The following RIPOR3 variants were observed in gnomAD, a reference collection of about 807,000 sequenced individuals.
RIPOR3 encodes the protein RIPOR family member 3, also known as family with sequence similarity 65 member C.
Under a neutral mutation model 114.3 loss-of-function variants are expected in RIPOR3, and 95 were observed. The observed-to-expected ratio is 0.83, with a 90% CI of 0.70 to 0.99. The LOEUF (loss-of-function observed/expected upper bound fraction) is 0.99, where lower values mean the gene tolerates loss of function less well. Ranked by LOEUF, RIPOR3 falls within the 50% of genes least tolerant of loss-of-function variation. The probability of loss-of-function intolerance (pLI) is 0.00; values close to 1 mark genes in which losing one functional copy is unlikely to be tolerated. For missense variants in RIPOR3, 1,252 were observed against 1,266.9 expected, an observed-to-expected ratio of 0.99 and a Z score of 0.18; for synonymous variants, 575 against 543.8, an observed-to-expected ratio of 1.06 and a Z score of -0.80.
intron 1 of RIPOR3, chr20:50,645,848 A>T (rs1236701645): frequency 1.3e-5 from 2 of 152,282 alleles, no homozygotes; most frequent in East Asian, 3.9e-4. Context: ...GGAAGTGGTC[A>T]AGGGTTCAAC....
rs1401157888 is a variant in RIPOR3, at chr20:50,681,288, A to G, written c.3+9838T>C. On this transcript the variant is annotated intron_variant, in intron 1 of 21. Coordinates refer to ENST00000327979, the MANE Select transcript of RIPOR3 (RefSeq NM_001290268.2). ...AATAAGGCACTAGAAAAAAAAAAAC[A>G]TATAATGAGGCTTCTGGAAAAGATA... Among the ~76,000 whole-genome samples the G allele has an allele frequency of 9.7e-5, 14 of 144,022 alleles. 1 individual carries two copies. The highest frequency in any genetic ancestry group is 7.0e-4 in the Admixed American group (10 of 14,192). The allele number at this position is 144,022 out of a possible 152,430, so 94.5% of individuals were successfully genotyped here.
chr20:50,664,721 G>C (rs751918716), intron 1 of RIPOR3, among the ~76,000 whole-genome samples: 68 of 152,150 alleles, frequency 4.5e-4, no homozygotes, highest in Non-Finnish European at 8.5e-4. Context: ...TTTGGGTATA[G>C]TGTTGAGATA....
At chr20:50,639,638 C>T (rs1269779586) in intron 1 of RIPOR3, among the ~76,000 whole-genome samples, 1 of 152,206 alleles carries the variant, frequency 6.6e-6, no homozygotes, top group African/African-American at 2.4e-5. Context: ...GAGGCTGAGG[C>T]AGGAGGAGCA....
chr20:50,685,784 C>T (rs1354955555), intron 1 of RIPOR3, among the ~76,000 whole-genome samples: 1 of 141,406 alleles, frequency 7.1e-6, no homozygotes, highest in African/African-American at 2.6e-5. Context: ...CACGCCACTG[C>T]ACTCTAGCCT....
In RIPOR3 at chr20:50,602,582, G is replaced by A. The variant is rs778105249; in HGVS notation, c.1149C>T (p.Ile383=). ...GGTCGCTGTCAGACAGGTAGCTGAG[G>A]ATGGAGGTGGCCCTTGGGCCACCCA... is the stretch of plus-strand genomic sequence containing the variant. ...LLLGGPRATS[I]LSYLSDSDLR... The change falls in exon 13 of 22, where the codon ATC becomes ATT. Residue 383 remains isoleucine (I), a synonymous_variant. Transcript: ENST00000327979. This position sits in a 1 kb window ranked among gnomAD's most constrained non-coding sequence, Gnocchi z 4.3. The A allele has an allele frequency of 1.3e-6, 2 of 1,524,882 alleles. No individual in the cohort carries two copies. The highest frequency in any genetic ancestry group is 2.3e-5 in the East Asian group (1 of 44,024). 94.5% of individuals were successfully genotyped at this position (1,524,882 alleles called of 1,614,324 possible).
At chr20:50,673,606 C>T (rs1015302494) in intron 1 of RIPOR3, among the ~76,000 whole-genome samples, 3 of 152,196 alleles carry the variant, frequency 2.0e-5, no homozygotes, top group African/African-American at 4.8e-5. Context: ...CTCCTAACTG[C>T]ACCCACCCCC....
At chr20:50,646,962 G>A (rs1007404410) in intron 1 of RIPOR3, among the ~76,000 whole-genome samples, 25 of 152,276 alleles carry the variant, frequency 1.6e-4, no homozygotes, top group African/African-American at 5.3e-4. Context: ...CATATTACAG[G>A]AAATGTGGCT....
intron 4 of RIPOR3, among the ~76,000 whole-genome samples, chr20:50,613,997 G>C (rs1356499828): frequency 1.3e-5 from 2 of 152,152 alleles, no homozygotes; most frequent in Non-Finnish European, 2.9e-5. Flanking sequence ...CCAGGATACA[G>C]AGACGGCCGC....
At chr20:50,618,815 T>A (rs1480765068) in intron 3 of RIPOR3, among the ~76,000 whole-genome samples, 1 of 152,156 alleles carries the variant, frequency 6.6e-6, no homozygotes, top group Non-Finnish European at 1.5e-5. Flanking sequence ...GTGGCTTATG[T>A]CTGTAATCCC....
rs11469999 is a variant in RIPOR3, at chr20:50,655,669, C to CTGTGTGTGTG, written c.4-24823_4-24814dup. ...TCCCTCCTGTCTCGGTTAGCGTGGG[C>CTGTGTGTGTG]TGTGTGTGTGTGTGTGTGTGTGTGT... On this transcript the variant is annotated intron_variant, in intron 1 of 21. Transcript: ENST00000327979. Among the ~76,000 whole-genome samples the CTGTGTGTGTG allele has an allele frequency of 2.8e-3, 411 of 145,280 alleles. 6 individuals are homozygous for CTGTGTGTGTG. The highest frequency in any genetic ancestry group is 0.01 in the African/African-American group (399 of 39,420).
At chr20:50,633,269 C>CAAAAAA (rs1199868243) in intron 1 of RIPOR3, among the ~76,000 whole-genome samples, 5 of 151,358 alleles carry the variant, frequency 3.3e-5, no homozygotes, top group Non-Finnish European at 7.4e-5. Context: ...CTAAAAAAAA[C>CAAAAAA]AAAAAACAAA....
chr20:50,649,567 C>T (rs2085528543), intron 1 of RIPOR3, among the ~76,000 whole-genome samples: 1 of 152,180 alleles, frequency 6.6e-6, no homozygotes, highest in Admixed American at 6.5e-5. Flanking sequence ...TGCAGCCAGG[C>T]CTGGCCCAGC....
At chr20:50,603,114 T>C (rs2083566355) in intron 12 of RIPOR3, among the ~76,000 whole-genome samples, 1 of 152,234 alleles carries the variant, frequency 6.6e-6, no homozygotes, top group Non-Finnish European at 1.5e-5. Context: ...CCACAGTCCT[T>C]ATGCCCCTGG....
At chr20:50,604,620 C>T (rs1392474488) in intron 12 of RIPOR3, 25 bp downstream of exon 12, 1 of 1,595,758 alleles carries the variant, frequency 6.3e-7, no homozygotes, top group Non-Finnish European at 8.5e-7. Context: ...ACCACAGCGG[C>T]CCTGCCCCGG....
At chr20:50,655,339 C>T (rs1268709692) in intron 1 of RIPOR3, among the ~76,000 whole-genome samples, 1 of 152,172 alleles carries the variant, frequency 6.6e-6, no homozygotes, top group African/African-American at 2.4e-5. Flanking sequence ...AATAGGGTTC[C>T]CCAGGGACAA....
intron 4 of RIPOR3, 146 bp downstream of exon 4, chr20:50,615,856 C>T: frequency 1.4e-6 from 1 of 714,606 alleles, no homozygotes; most frequent in Non-Finnish European, 2.3e-6. Flanking sequence ...GTGAAGTTAA[C>T]TCAGTGCAAC....
chr20:50,682,003 G>A (rs1005194160), intron 1 of RIPOR3, among the ~76,000 whole-genome samples: 12 of 149,352 alleles, frequency 8.0e-5, no homozygotes, highest in Non-Finnish European at 1.8e-4. Context: ...GCCATGTGTA[G>A]AGGGTGGCTT....
intron 1 of RIPOR3, chr20:50,659,928 G>C (rs1294387389): frequency 1.3e-5 from 2 of 152,202 alleles, no homozygotes; most frequent in Non-Finnish European, 2.9e-5. Context: ...ATGGACACCG[G>C]ACCCCGGAGA....
chr20:50,626,442 G>C (rs1199648189), intron 2 of RIPOR3, among the ~76,000 whole-genome samples: 1 of 152,216 alleles, frequency 6.6e-6, no homozygotes, highest in Non-Finnish European at 1.5e-5. Context: ...CCTTGCTGAC[G>C]GCCAGCGAGC....
Sources: gnomAD v4.1 joint callset for allele counts (sites outside exome capture counted in the v4.1 genomes callset) on GRCh38, gnomAD v4.1.1 for gene constraint, Gnocchi (gnomAD v3.1) non-coding constraint, MANE v1.5 for transcripts, NCBI Gene and HGNC (gene_info 2026-07-23, HGNC 2026-07-21) for gene names.